DNAAF5: variants seen among roughly 807,000 people sequenced by gnomAD.
The protein encoded by DNAAF5 is HEAT repeat containing 2.
DNAAF5 carries 64 observed loss-of-function variants against 75.8 expected under a neutral mutation model. The observed-to-expected ratio is 0.84, with a 90% CI of 0.69 to 1.04. The LOEUF (loss-of-function observed/expected upper bound fraction) is 1.04, where lower values mean the gene tolerates loss of function less well. DNAAF5 is among the 50% of genes least tolerant of loss of function. The probability of loss-of-function intolerance (pLI) is 0.00; values close to 1 mark genes in which losing one functional copy is unlikely to be tolerated. For missense variants in DNAAF5, 1,269 were observed against 1,178.5 expected (o/e 1.08, Z -1.12); for synonymous variants, 657 against 557.2 (o/e 1.18, Z -2.52).
intron 4 of DNAAF5, among the ~76,000 whole-genome samples, chr7:753,160 C>T (rs995892147): frequency 6.6e-6 from 1 of 152,218 alleles, no homozygotes; most frequent in Non-Finnish European, 1.5e-5. Context: ...TGTGGCCCAG[C>T]CCTTCCACAG....
At chr7:769,165 G>A (rs1213105278) in intron 8 of DNAAF5, 1 of 774,780 alleles carries the variant, frequency 1.3e-6, no homozygotes, top group Non-Finnish European at 2.4e-6. Context: ...GCGGCGCCAG[G>A]GAGAAGGCTC....
Position 773,200 on chromosome 7 carries a change from G to A in DNAAF5, c.1932-848G>A, listed in dbSNP as rs1193198530. On this transcript the variant is annotated intron_variant, in intron 9 of 12. Transcript: ENST00000297440. The stretch of plus-strand genomic sequence containing the variant: ...CCACGCCAGAAACCTCGCGGAATGC[G>A]TGTAAATCACACCACACCAACGTCA... 3.3e-5 allele frequency among the ~76,000 whole-genome samples: 5 copies of A among 152,318 alleles called. No homozygotes were observed. In the East Asian group the frequency reaches 5.8e-4, roughly 18 times the overall value.
chr7:769,137 A>G (rs1232455670), intron 8 of DNAAF5: 7 of 769,946 alleles, frequency 9.1e-6, no homozygotes, highest in Non-Finnish European at 1.7e-5. Context: ...ACTACCGAGC[A>G]GCCTGCTCTG....
rs748871246 is a variant in DNAAF5 at position 729,658 on chromosome 7, C to G, written c.596-5C>G. The G allele has an allele frequency of 3.1e-6, 5 of 1,613,042 alleles. No homozygotes were observed. The East Asian group carries it at 1.1e-4, about 36-fold the overall frequency. ...CTGGTAACTGGGGGCCTCCCTGTCC[C>G]TCAGACCACTTCCACATGCAGTCGG... On this transcript the variant is annotated splice_region_variant and splice_polypyrimidine_tract_variant and intron_variant, in intron 1 of 12. Coordinates refer to ENST00000297440, the MANE Select transcript of DNAAF5 (RefSeq NM_017802.4).
intron 2 of DNAAF5, among the ~76,000 whole-genome samples, chr7:732,125 C>G (rs1781604785): frequency 1.3e-5 from 2 of 152,240 alleles, no homozygotes; most frequent in South Asian, 4.1e-4. Context: ...GTAGCACAGC[C>G]AGGTGAGCCT....
At chr7:762,842 G>C (rs1782707406) in intron 7 of DNAAF5, among the ~76,000 whole-genome samples, 1 of 152,146 alleles carries the variant, frequency 6.6e-6, no homozygotes, top group African/African-American at 2.4e-5. Flanking sequence ...TCAAGCTCCT[G>C]ACTGCAGGTG....
chr7:756,674 G>GCT, intron 5 of DNAAF5, 108 bp from the exon 6 acceptor site: 1 of 951,934 alleles, frequency 1.1e-6, no homozygotes, highest in Non-Finnish European at 1.7e-6. Flanking sequence ...CTAACACGGG[G>GCT]CTCTGTCTGG....
chr7:752,163 G>T lies in DNAAF5; in HGVS notation c.1025-2426G>T, dbSNP rs530149563. On this transcript the variant is annotated intron_variant, in intron 4 of 12. Transcript: ENST00000297440. ...ATGAAGGCTCAAAGACCATTTAATG[G>T]CATCTTTTAATAAGGATACTGTAAA... is the stretch of plus-strand genomic sequence containing the variant. 9.8e-5 allele frequency among the ~76,000 whole-genome samples: 15 copies of T among 152,334 alleles called. No individual in the cohort carries two copies. In the East Asian group the frequency reaches 2.9e-3, roughly 29 times the overall value.
intron 4 of DNAAF5, among the ~76,000 whole-genome samples, chr7:745,439 CACAT>C (rs750944159): frequency 2.0e-5 from 3 of 152,026 alleles, no homozygotes; most frequent in Non-Finnish European, 2.9e-5. Context: ...CACACACACA[CACAT>C]ATTCACATGC....
At position 765,578 on chromosome 7, in the gene DNAAF5, G is replaced by A. The variant is rs570973928; in HGVS notation, c.1783+1604G>A. ...CAGAAGCATTTCTTATGGTGTTGGC[G>A]GAACTGATTGGCAGCTTGGAACACA... is the stretch of plus-strand genomic sequence containing the variant. On this transcript the variant is annotated intron_variant, in intron 8 of 12. Coordinates refer to ENST00000297440, the MANE Select transcript of DNAAF5 (RefSeq NM_017802.4). 9.9e-5 allele frequency among the ~76,000 whole-genome samples: 15 copies of A among 152,254 alleles called. No homozygotes were observed. In the South Asian group the frequency reaches 2.9e-3, roughly 29 times the overall value.
intron 1 of DNAAF5, among the ~76,000 whole-genome samples, chr7:728,341 A>G (rs1322602076): frequency 6.6e-6 from 1 of 152,216 alleles, no homozygotes; most frequent in East Asian, 1.9e-4. Context: ...AGGCCGTCCC[A>G]GTGATGTCCC....
rs1164221686 is a variant in DNAAF5, at chr7:726,775, G to A, written c.55G>A (p.Ala19Thr). The A allele has an allele frequency of 9.4e-6, 12 of 1,270,040 alleles. No homozygotes were observed. The highest frequency in any genetic ancestry group is 4.2e-5 in the Admixed American group (1 of 23,926). 78.7% of individuals were successfully genotyped at this position (1,270,040 alleles called of 1,614,324 possible). ...AVAAPHPAEG[A>T]ETAEAVELSR... ...GGCGGCCCCACACCCGGCTGAGGGG[G>A]CCGAGACGGCTGAGGCGGTGGAGCT... Residue 19 changes from alanine (A) to threonine (T), a missense_variant, in exon 1 of 13, where the codon GCC becomes ACC. Transcript: ENST00000297440.
chr7:769,289 C>T, intron 8 of DNAAF5: 1 of 695,076 alleles, frequency 1.4e-6, no homozygotes, highest in South Asian at 1.5e-5. Context: ...GCGGCCCCAA[C>T]CCAGTCCCCA....
chr7:750,433 G>T (rs1782257926), intron 4 of DNAAF5, among the ~76,000 whole-genome samples: 1 of 152,222 alleles, frequency 6.6e-6, no homozygotes. Context: ...ACCAGGGACT[G>T]GTTTTGTGGA....
chr7:766,167 G>T (rs548475770), intron 8 of DNAAF5, among the ~76,000 whole-genome samples: 1 of 152,212 alleles, frequency 6.6e-6, no homozygotes, highest in East Asian at 1.9e-4. Context: ...TGTTCTCTGA[G>T]CCCCATCTGA....
chr7:780,580 G>A (rs1047182417), intron 12 of DNAAF5, among the ~76,000 whole-genome samples: 22 of 152,336 alleles, frequency 1.4e-4, no homozygotes, highest in Admixed American at 8.5e-4. Context: ...GCTGAAATAC[G>A]TGGAAAATAA....
intron 4 of DNAAF5, among the ~76,000 whole-genome samples, chr7:744,843 T>G (rs140160472): frequency 2.6e-5 from 4 of 152,288 alleles, no homozygotes; most frequent in African/African-American, 9.6e-5. Context: ...CCTCAGGTGA[T>G]CCGCCTGCCT....
At chr7:736,116 G>A (rs1008010636) in intron 2 of DNAAF5, among the ~76,000 whole-genome samples, 10 of 152,022 alleles carry the variant, frequency 6.6e-5, no homozygotes, top group East Asian at 1.9e-4. Flanking sequence ...GGCTTGTTTC[G>A]TGGCCTAACA....
intron 8 of DNAAF5, among the ~76,000 whole-genome samples, chr7:769,808 T>C (rs948621227): frequency 6.6e-6 from 1 of 151,956 alleles, no homozygotes; most frequent in Non-Finnish European, 1.5e-5. Context: ...CCCAGCTAAT[T>C]TTGTATTTTT....
Sources: gnomAD v4.1 joint callset for allele counts (sites outside exome capture counted in the v4.1 genomes callset) on GRCh38, gnomAD v4.1.1 for gene constraint, MANE v1.5 for transcripts, NCBI Gene and HGNC (gene_info 2026-07-23, HGNC 2026-07-21) for gene names.